Variants in PDLIM1 observed in about 807,000 individuals in gnomAD.
The protein encoded by PDLIM1 is PDZ and LIM domain protein 1.
PDLIM1 carries 25 observed loss-of-function variants against 35.2 expected under a neutral mutation model. The observed-to-expected ratio is 0.71, with a 90% CI of 0.52 to 0.99. The LOEUF is 0.99. Among genes scored for constraint, PDLIM1 ranks in the 50% least tolerant of loss-of-function variants. PDLIM1 has a pLI of 0.00. For missense variants in PDLIM1, 363 were observed against 415.3 expected (o/e 0.87, Z 1.09); for synonymous variants, 152 against 154.0 (o/e 0.99, Z 0.10).
chr10:95,279,237 T>TAAA (rs2035539889), intron 1 of PDLIM1, among the ~76,000 whole-genome samples: 1 of 152,134 alleles, frequency 6.6e-6, no homozygotes. Flanking sequence ...AGCCACAGGC[T>TAAA]CTACCATGCT....
intron 1 of PDLIM1, among the ~76,000 whole-genome samples, chr10:95,285,104 AG>A (rs1377722132): frequency 1.3e-5 from 2 of 152,194 alleles, no homozygotes; most frequent in Non-Finnish European, 2.9e-5. Context: ...CCCCACAAGC[AG>A]GTCTTTCTCT....
intron 1 of PDLIM1, among the ~76,000 whole-genome samples, chr10:95,283,914 C>A (rs2035579641): frequency 6.6e-6 from 1 of 151,918 alleles, no homozygotes; most frequent in South Asian, 2.1e-4. Context: ...TAGATTAATT[C>A]TGTCTAATTT....
chr10:95,246,665 TGAG>T (rs775902516), intron 5 of PDLIM1, among the ~76,000 whole-genome samples: 2 of 152,160 alleles, frequency 1.3e-5, no homozygotes, highest in Non-Finnish European at 2.9e-5. Flanking sequence ...CTGGGAAGGT[TGAG>T]ATTTGCCAAA....
chr10:95,255,019 T>C (rs932710790), intron 4 of PDLIM1, among the ~76,000 whole-genome samples: 2 of 152,006 alleles, frequency 1.3e-5, no homozygotes, highest in African/African-American at 4.8e-5. Flanking sequence ...AATTATACAT[T>C]AACAAATTAG....
rs540092593 is a variant in PDLIM1, at chr10:95,271,579, C to T, written c.248+54G>A. On this transcript the variant is annotated intron_variant, in intron 2 of 6. Coordinates refer to ENST00000329399, the MANE Select transcript of PDLIM1 (RefSeq NM_020992.4). ...TGAGATAGGGAAGGCAGTCCCTGCC[C>T]ACAAACAGCTTCTAGTCAATCAGAA... 1.1e-5 allele frequency: 17 copies of T among 1,505,872 alleles called. No individual in the cohort carries two copies. In the African/African-American group the frequency reaches 1.8e-4, roughly 16 times the overall value. 93.3% of individuals were successfully genotyped at this position (1,505,872 alleles called of 1,614,324 possible).
intron 4 of PDLIM1, among the ~76,000 whole-genome samples, chr10:95,258,319 A>C (rs1190123303): frequency 1.3e-5 from 2 of 152,108 alleles, no homozygotes; most frequent in Non-Finnish European, 2.9e-5. Context: ...TAAAAAAAGA[A>C]GGCCCCATCT....
intron 3 of PDLIM1, 31 bp downstream of exon 3, chr10:95,268,747 A>T: frequency 7.1e-7 from 1 of 1,403,250 alleles, no homozygotes; most frequent in Non-Finnish European, 1.0e-6. Context: ...CTGGGTGGTG[A>T]GAGCAGCGGC....
chr10:95,284,836 G>C (rs1023090464), intron 1 of PDLIM1, among the ~76,000 whole-genome samples: 1 of 152,182 alleles, frequency 6.6e-6, no homozygotes, highest in African/African-American at 2.4e-5. Context: ...CATTTACCAA[G>C]GAGACAGTGT....
intron 1 of PDLIM1, among the ~76,000 whole-genome samples, chr10:95,276,333 G>A (rs1436379217): frequency 6.6e-6 from 1 of 151,920 alleles, no homozygotes; most frequent in African/African-American, 2.4e-5. Context: ...CTCATCTGCA[G>A]TGGCCTTCTA....
At chr10:95,250,818 T>C (rs1018204092) in intron 4 of PDLIM1, among the ~76,000 whole-genome samples, 1 of 152,218 alleles carries the variant, frequency 6.6e-6, no homozygotes, top group African/African-American at 2.4e-5. Context: ...TCCTAGTTCT[T>C]GTTTCTCCCT....
intron 3 of PDLIM1, among the ~76,000 whole-genome samples, chr10:95,266,932 A>G (rs1037262417): frequency 4.6e-5 from 7 of 152,248 alleles, no homozygotes; most frequent in African/African-American, 1.7e-4. Flanking sequence ...AGTACAAACT[A>G]GGTGTGTAAC....
At chr10:95,283,061 G>A (rs1294836619) in intron 1 of PDLIM1, among the ~76,000 whole-genome samples, 1 of 152,158 alleles carries the variant, frequency 6.6e-6, no homozygotes, top group Non-Finnish European at 1.5e-5. Context: ...TAAACCTTGA[G>A]GGAATTACTC....
At chr10:95,252,924 C>T (rs1004858469) in intron 4 of PDLIM1, among the ~76,000 whole-genome samples, 1 of 151,920 alleles carries the variant, frequency 6.6e-6, no homozygotes, top group Non-Finnish European at 1.5e-5. Flanking sequence ...AAATTCATGT[C>T]AATGGAGTCT....
chr10:95,280,687 GTT>G (rs924533419), intron 1 of PDLIM1, among the ~76,000 whole-genome samples: 2 of 151,264 alleles, frequency 1.3e-5, no homozygotes, highest in African/African-American at 2.4e-5. Flanking sequence ...TTTTTGCTTT[GTT>G]TTATTTTTTT....
intron 5 of PDLIM1, among the ~76,000 whole-genome samples, chr10:95,245,329 G>A (rs1173399489): frequency 6.6e-6 from 1 of 152,140 alleles, no homozygotes; most frequent in East Asian, 1.9e-4. Context: ...ATGATGGTTG[G>A]AACACCAGCT....
intron 1 of PDLIM1, among the ~76,000 whole-genome samples, chr10:95,279,885 G>A (rs2035545274): frequency 6.6e-6 from 1 of 152,124 alleles, no homozygotes; most frequent in Non-Finnish European, 1.5e-5. Flanking sequence ...TCAGCGATGA[G>A]GAAAAATATT....
intron 3 of PDLIM1, among the ~76,000 whole-genome samples, chr10:95,266,485 G>A (rs898390831): frequency 2.6e-5 from 4 of 152,020 alleles, no homozygotes; most frequent in South Asian, 2.1e-4. Flanking sequence ...TTATTTTTCC[G>A]CCTTGGCTCA....
chr10:95,285,051 A>G (rs1281196586), intron 1 of PDLIM1, among the ~76,000 whole-genome samples: 1 of 152,194 alleles, frequency 6.6e-6, no homozygotes, highest in Non-Finnish European at 1.5e-5. Flanking sequence ...CTGCCTGGTC[A>G]TCTTCATCTA....
At chr10:95,287,800 C>T (rs938116599) in intron 1 of PDLIM1, among the ~76,000 whole-genome samples, 19 of 151,582 alleles carry the variant, frequency 1.3e-4, no homozygotes, top group South Asian at 2.1e-4. Context: ...GAGCACTAAA[C>T]GAGAATGTGG....
Sources: allele counts gnomAD v4.1 joint callset (sites outside exome capture counted in the v4.1 genomes callset), GRCh38; gene constraint gnomAD v4.1.1; transcripts MANE v1.5; gene names NCBI Gene and HGNC (gene_info 2026-07-23, HGNC 2026-07-21).